Variants in GCC2 observed in about 807,000 individuals in gnomAD.
GCC2 encodes GRIP and coiled-coil domain-containing protein 2.
GCC2 carries 120 observed loss-of-function variants against 210.6 expected under a neutral mutation model. The ratio of observed to expected loss-of-function variants is 0.57; its 90% confidence interval spans 0.49 to 0.66. The LOEUF (loss-of-function observed/expected upper bound fraction) is 0.66. Ranked by LOEUF, GCC2 falls within the 30% of genes least tolerant of loss-of-function variation. The pLI is 0.00. For missense variants in GCC2, 1,868 were observed against 1,871.9 expected (o/e 1.00, Z 0.04); for synonymous variants, 703 against 652.7 (o/e 1.08, Z -1.17).
chr2:108,452,673 G>A (rs1056160833), intron 4 of GCC2, among the ~76,000 whole-genome samples: 4 of 144,806 alleles, frequency 2.8e-5, no homozygotes, highest in South Asian at 4.3e-4. Context: ...CTCTTCCCAC[G>A]TATTTTCTTT....
At chr2:108,449,429 T>C (rs1398864925) in intron 1 of GCC2, 149 bp downstream of exon 1, 8 of 1,399,852 alleles carry the variant, frequency 5.7e-6, no homozygotes, top group East Asian at 2.5e-5. Flanking sequence ...TCGTAAACTC[T>C]ATCCCTGGGG....
chr2:108,457,213 C>T (rs943538210), intron 4 of GCC2, among the ~76,000 whole-genome samples: 1 of 152,008 alleles, frequency 6.6e-6, no homozygotes, highest in African/African-American at 2.4e-5. Context: ...ATATAGTTAC[C>T]TGGATTTCCT....
At chr2:108,478,950 T>C (rs1222221885) in intron 9 of GCC2, among the ~76,000 whole-genome samples, 1 of 152,152 alleles carries the variant, frequency 6.6e-6, no homozygotes, top group African/African-American at 2.4e-5. Flanking sequence ...AAACATACTT[T>C]GGGAGGCCGT....
At chr2:108,457,017 C>A (rs768959358) in intron 4 of GCC2, among the ~76,000 whole-genome samples, 7 of 151,186 alleles carry the variant, frequency 4.6e-5, no homozygotes, top group Non-Finnish European at 7.4e-5. Flanking sequence ...GTTTTTGTTG[C>A]CTGGGCTTTT....
chr2:108,451,866 G>A (rs1029450757), intron 3 of GCC2, among the ~76,000 whole-genome samples: 2 of 139,092 alleles, frequency 1.4e-5, no homozygotes, highest in Admixed American at 7.3e-5. Flanking sequence ...TTTTCAAGAC[G>A]GAGTCTCGCT....
chr2:108,477,852 C>G (rs1329622083), intron 9 of GCC2, among the ~76,000 whole-genome samples: 1 of 152,122 alleles, frequency 6.6e-6, no homozygotes, highest in African/African-American at 2.4e-5. Context: ...TTGAGATCAG[C>G]CTGGCCAACA....
chr2:108,451,139 A>G (rs762884066), intron 3 of GCC2, 27 bp downstream of exon 3: 2 of 1,303,052 alleles, frequency 1.5e-6, no homozygotes, highest in Non-Finnish European at 2.2e-6. Flanking sequence ...ACTCATCTTG[A>G]TCACAGTCTC....
intron 18 of GCC2, among the ~76,000 whole-genome samples, chr2:108,491,090 A>T (rs1015153060): frequency 9.9e-5 from 15 of 151,684 alleles, no homozygotes; most frequent in African/African-American, 3.4e-4. Context: ...TAATATTCAT[A>T]CTTTATCTAT....
intron 4 of GCC2, among the ~76,000 whole-genome samples, chr2:108,456,796 T>C (rs185095156): frequency 2.6e-5 from 4 of 152,020 alleles, no homozygotes; most frequent in Admixed American, 2.0e-4. Context: ...CAAAAAAATA[T>C]AAATTAGCCA....
At position 108,449,434 on chromosome 2, in the gene GCC2, C is replaced by T. The variant is rs76296501; in HGVS notation, c.6+154C>T. ...TCCCCATCTTTCGTAAACTCTATCC[C>T]TGGGGGTTACCTGCCCCGTAGAGCC... On this transcript the variant is annotated intron_variant, in intron 1 of 22. Coordinates refer to ENST00000309863, the MANE Select transcript of GCC2 (RefSeq NM_181453.4). 9,021 of 1,393,902 alleles carry T rather than the reference C, an allele frequency of 6.5e-3. 497 individuals carry two copies. The African/African-American group carries it at 0.12, about 18-fold the overall frequency. 86.3% of individuals were successfully genotyped at this position (1,393,902 alleles called of 1,614,324 possible). A position where few individuals can be genotyped will look rare whatever the true frequency, so the allele number is the denominator to read the frequency against.
At chr2:108,463,471 G>A (rs1397631929) in intron 4 of GCC2, among the ~76,000 whole-genome samples, 2 of 152,194 alleles carry the variant, frequency 1.3e-5, no homozygotes, top group Admixed American at 6.5e-5. Flanking sequence ...GCTGTAAACA[G>A]CATCAGTGGT....
Position 108,485,662 on chromosome 2 carries a change from T to A in GCC2, c.3640T>A (p.Tyr1214Asn). The A allele has an allele frequency of 6.3e-7, 1 of 1,585,282 alleles. No homozygotes were observed. Among genetic ancestry groups the A allele is most frequent in the Non-Finnish European group, 8.6e-7 (1 of 1,165,468 alleles). Reference protein sequence around the residue: ...ITSLQSSVQQYEEKNTKIKQL... With the variant: ...ITSLQSSVQQNEEKNTKIKQL... Reference sequence around the variant, plus strand: ...TTCATTACAGTCTTCAGTACAACAATATGAAGAAAAAAACACCAAAATCAA... The same window carrying A: ...TTCATTACAGTCTTCAGTACAACAAAATGAAGAAAAAAACACCAAAATCAA... Residue 1214 changes from tyrosine (Y) to asparagine (N), a missense_variant, in exon 14 of 23, where the codon TAT becomes AAT. Coordinates refer to ENST00000309863, the MANE Select transcript of GCC2 (RefSeq NM_181453.4).
chr2:108,453,429 T>C (rs192886989), intron 4 of GCC2, among the ~76,000 whole-genome samples: 185 of 152,342 alleles, frequency 1.2e-3, no homozygotes, highest in African/African-American at 4.4e-3. Context: ...GTTCTCTTTC[T>C]CTTTTTAGTC....
chr2:108,490,535 A>G (rs1258819517), intron 18 of GCC2, among the ~76,000 whole-genome samples: 1 of 152,228 alleles, frequency 6.6e-6, no homozygotes, highest in Non-Finnish European at 1.5e-5. Flanking sequence ...TAGTAGGAGT[A>G]TTAGGCTGAG....
chr2:108,497,180 G>A lies in GCC2; in HGVS notation c.4782+71G>A, dbSNP rs1239001432. ...TTCTTGACCCTCCATACACATGCAC[G>A]ATCTCAGCTCACTGCAAGCTCCACC... is the stretch of plus-strand genomic sequence containing the variant. On this transcript the variant is annotated intron_variant, in intron 21 of 22. Coordinates refer to ENST00000309863, the MANE Select transcript of GCC2 (RefSeq NM_181453.4). The A allele has an allele frequency of 8.1e-6, 13 of 1,608,154 alleles. No individual in the cohort carries two copies. In the East Asian group the frequency reaches 2.2e-4, roughly 28 times the overall value.
intron 22 of GCC2, among the ~76,000 whole-genome samples, chr2:108,507,218 C>T (rs1343827840): frequency 2.2e-5 from 3 of 139,096 alleles, no homozygotes; most frequent in Admixed American, 7.9e-5. Context: ...CAGTGAGACC[C>T]GCATCTCCAC....
Position 108,508,209 on chromosome 2 carries a change from C to G in GCC2, c.*579C>G, listed in dbSNP as rs1350897173. 6.6e-6 allele frequency: 1 copy of G among 150,946 alleles called. No individual in the cohort carries two copies. The highest frequency in any genetic ancestry group is 1.5e-5 in the Non-Finnish European group (1 of 67,836). The allele number at this position is 150,946 out of a possible 1,614,324, so 9.4% of individuals were successfully genotyped here. ...ACTATTTATTGCAAGGTCAGAGTTACAGATTGTTATAAATTGTTGAGAAAT... is the reference window on the plus strand; with the variant it reads ...ACTATTTATTGCAAGGTCAGAGTTAGAGATTGTTATAAATTGTTGAGAAAT... On this transcript the variant is annotated 3_prime_UTR_variant, in exon 23 of 23. Coordinates refer to ENST00000309863, the MANE Select transcript of GCC2 (RefSeq NM_181453.4).
intron 15 of GCC2, among the ~76,000 whole-genome samples, chr2:108,486,205 T>G (rs1031324924): frequency 2.0e-5 from 3 of 152,202 alleles, no homozygotes; most frequent in African/African-American, 7.2e-5. Flanking sequence ...TAAAATGATT[T>G]TATATGTTTG....
chr2:108,490,666 T>C (rs1175798328), intron 18 of GCC2, among the ~76,000 whole-genome samples: 2 of 152,224 alleles, frequency 1.3e-5, no homozygotes, highest in Non-Finnish European at 2.9e-5. Context: ...GTTTAGCTTT[T>C]TGTGGCTTCT....
Sources: gnomAD v4.1 joint callset for allele counts (sites outside exome capture counted in the v4.1 genomes callset) on GRCh38, gnomAD v4.1.1 for gene constraint, MANE v1.5 for transcripts, NCBI Gene and HGNC (gene_info 2026-07-23, HGNC 2026-07-21) for gene names.